Variants in GALNT13 observed in about 807,000 individuals in gnomAD.
The protein encoded by GALNT13 is polypeptide N-acetylgalactosaminyltransferase 13.
GALNT13 carries 28 observed loss-of-function variants against 64.2 expected under a neutral mutation model. The ratio of observed to expected loss-of-function variants is 0.44; its 90% CI spans 0.32 to 0.60. The LOEUF (loss-of-function observed/expected upper bound fraction) is 0.60. GALNT13 is among the 20% of genes least tolerant of loss of function. GALNT13 has a pLI of 0.05. For missense variants in GALNT13, 577 were observed against 669.8 expected (o/e 0.86, Z 1.53); for synonymous variants, 214 against 224.6 (o/e 0.95, Z 0.42).
At chr2:153,293,531 A>G in the GALNT13 span, among the ~76,000 whole-genome samples, 1 of 152,168 alleles carries the variant, frequency 6.6e-6, no homozygotes, top group African/African-American at 2.4e-5. Context: ...AGTCTCCAGG[A>G]AAAACGCAGC....
At chr2:154,400,141 A>G (rs1436025171) in intron 10 of GALNT13, among the ~76,000 whole-genome samples, 3 of 152,158 alleles carry the variant, frequency 2.0e-5, no homozygotes, top group Non-Finnish European at 4.4e-5. Flanking sequence ...TGAACTGTTA[A>G]TGAACAACAG....
intron 3 of GALNT13, among the ~76,000 whole-genome samples, chr2:154,066,879 T>C (rs1363250850): frequency 2.0e-5 from 3 of 152,086 alleles, no homozygotes; most frequent in African/African-American, 7.2e-5. Context: ...ATGTATATCT[T>C]AAGTAGAAAG....
At chr2:153,714,217 C>T in the GALNT13 span, among the ~76,000 whole-genome samples, 1 of 152,258 alleles carries the variant, frequency 6.6e-6, no homozygotes, top group Non-Finnish European at 1.5e-5. Flanking sequence ...AGACAGAACA[C>T]ATTTATCATT....
the GALNT13 span, among the ~76,000 whole-genome samples, chr2:153,331,599 G>A: frequency 7.9e-5 from 12 of 152,190 alleles, no homozygotes; most frequent in East Asian, 1.9e-4. Flanking sequence ...GATGTAGTCC[G>A]GGATGCTAGG....
the GALNT13 span, among the ~76,000 whole-genome samples, chr2:153,166,881 G>A: frequency 6.6e-6 from 1 of 152,172 alleles, no homozygotes; most frequent in African/African-American, 2.4e-5. Context: ...AAGGTGACCT[G>A]CAGAAGATGA....
the GALNT13 span, among the ~76,000 whole-genome samples, chr2:153,251,972 T>C: frequency 6.6e-6 from 1 of 151,786 alleles, no homozygotes; most frequent in African/African-American, 2.4e-5. Flanking sequence ...TTATAGTCCT[T>C]TGGGTATATA....
the GALNT13 span, among the ~76,000 whole-genome samples, chr2:153,115,843 A>G: frequency 6.6e-6 from 1 of 152,312 alleles, no homozygotes; most frequent in Admixed American, 6.5e-5. Context: ...TTTGTCTAAT[A>G]AGACTCCTTT....
At chr2:153,527,285 A>T in the GALNT13 span, among the ~76,000 whole-genome samples, 1 of 152,336 alleles carries the variant, frequency 6.6e-6, no homozygotes, top group African/African-American at 2.4e-5. Flanking sequence ...GAATCCTAAA[A>T]GCAGCAAGAG....
chr2:154,143,861 A>C (rs1187128328), intron 4 of GALNT13, among the ~76,000 whole-genome samples: 1 of 46,522 alleles, frequency 2.1e-5, no homozygotes, highest in African/African-American at 5.0e-5. Context: ...ACTCTGTCTC[A>C]AAAAAAAAAA....
chr2:153,623,670 A>G, the GALNT13 span, among the ~76,000 whole-genome samples: 3 of 152,014 alleles, frequency 2.0e-5, no homozygotes, highest in African/African-American at 7.2e-5. Context: ...TATATATTTT[A>G]TATATATTAT....
chr2:153,147,392 A>G, the GALNT13 span, among the ~76,000 whole-genome samples: 21 of 151,854 alleles, frequency 1.4e-4, no homozygotes, highest in African/African-American at 4.3e-4. Context: ...CAGCAAAGTT[A>G]AGGATTCCTG....
At chr2:153,131,871 T>G in the GALNT13 span, among the ~76,000 whole-genome samples, 5 of 151,964 alleles carry the variant, frequency 3.3e-5, no homozygotes, top group Admixed American at 1.3e-4. Flanking sequence ...ATGAGTATTT[T>G]CTATGGGAAA....
chr2:153,438,221 G>C, the GALNT13 span, among the ~76,000 whole-genome samples: 24 of 152,272 alleles, frequency 1.6e-4, no homozygotes, highest in African/African-American at 5.8e-4. Context: ...ACTTCCCTTT[G>C]TGGGTAACCT....
At chr2:153,651,919 T>C in the GALNT13 span, among the ~76,000 whole-genome samples, 1 of 152,186 alleles carries the variant, frequency 6.6e-6, no homozygotes, top group Non-Finnish European at 1.5e-5. Context: ...TTCAACATAA[T>C]GTTTGCATAA....
the GALNT13 span, among the ~76,000 whole-genome samples, chr2:153,771,987 G>T: frequency 1.3e-5 from 2 of 152,172 alleles, no homozygotes; most frequent in African/African-American, 4.8e-5. Flanking sequence ...TATGTAGGCT[G>T]GTTCCAAGTC....
At chr2:154,116,443 G>C (rs942092375) in intron 3 of GALNT13, among the ~76,000 whole-genome samples, 1 of 137,210 alleles carries the variant, frequency 7.3e-6, no homozygotes, top group Non-Finnish European at 1.6e-5. Flanking sequence ...CTCTCACTCA[G>C]GGCAATCTAA....
chr2:153,111,669 C>A, the GALNT13 span, among the ~76,000 whole-genome samples: 1 of 150,602 alleles, frequency 6.6e-6, no homozygotes, highest in Non-Finnish European at 1.5e-5. Context: ...ATATGGATAT[C>A]ATGAGTAAAT....
chr2:153,223,945 G>A, the GALNT13 span, among the ~76,000 whole-genome samples: 28 of 152,212 alleles, frequency 1.8e-4, no homozygotes, highest in East Asian at 1.9e-3. Context: ...ACTGTAGCCT[G>A]GGTGACAGAG....
chr2:153,419,064 G>A, the GALNT13 span, among the ~76,000 whole-genome samples: 1 of 152,088 alleles, frequency 6.6e-6, no homozygotes, highest in African/African-American at 2.4e-5. Context: ...TTCTTACATT[G>A]CTATGAAGAA....
Sources: allele counts gnomAD v4.1 joint callset (sites outside exome capture counted in the v4.1 genomes callset), GRCh38; gene constraint gnomAD v4.1.1; transcripts MANE v1.5; gene names NCBI Gene and HGNC (gene_info 2026-07-23, HGNC 2026-07-21).